The following STPG2 variants were observed in gnomAD, a reference collection of about 807,000 sequenced individuals.
STPG2 encodes the protein sperm tail PG-rich repeat containing 2.
A neutral mutation model predicts 54.2 loss-of-function variants in STPG2; 56 were observed. That is an observed-to-expected ratio of 1.03 (90% CI 0.83 to 1.29). The LOEUF (loss-of-function observed/expected upper bound fraction) is 1.29, where lower values mean the gene tolerates loss of function less well. Among genes scored for constraint, STPG2 ranks in the 50% most tolerant of loss-of-function variants. The pLI is 0.00. For missense variants in STPG2, 596 were observed against 544.9 expected (o/e 1.09, Z -0.93); for synonymous variants, 200 against 181.8 (o/e 1.10, Z -0.81).
At chr4:98,027,674 C>G (rs1225078861) in intron 5 of STPG2, among the ~76,000 whole-genome samples, 1 of 152,176 alleles carries the variant, frequency 6.6e-6, no homozygotes, top group Non-Finnish European at 1.5e-5. Context: ...CAAGCAATCT[C>G]AAAACCCTGT....
At chr4:97,994,652 A>G (rs1735143119) in intron 5 of STPG2, among the ~76,000 whole-genome samples, 1 of 152,128 alleles carries the variant, frequency 6.6e-6, no homozygotes, top group African/African-American at 2.4e-5. Flanking sequence ...GATGTGACCC[A>G]TCTTCAGGTC....
downstream of STPG2, among the ~76,000 whole-genome samples, chr4:97,554,647 C>G (rs1471281194): frequency 6.6e-6 from 1 of 152,124 alleles, no homozygotes; most frequent in Non-Finnish European, 1.5e-5. Context: ...AAACAACATT[C>G]ATATCTAAGC....
At chr4:97,725,785 C>G (rs1724604279) in intron 9 of STPG2, among the ~76,000 whole-genome samples, 1 of 151,124 alleles carries the variant, frequency 6.6e-6, no homozygotes. Context: ...TAAAAGGACA[C>G]TATAAAACAT....
chr4:97,694,394 A>G (rs1723491984), intron 10 of STPG2, among the ~76,000 whole-genome samples: 1 of 152,060 alleles, frequency 6.6e-6, no homozygotes, highest in Non-Finnish European at 1.5e-5. Context: ...ACAACTTTAC[A>G]TGCATAAAGA....
At chr4:97,468,687 T>C (rs1011373491) in intron 4 of STPG2, among the ~76,000 whole-genome samples, 15 of 152,048 alleles carry the variant, frequency 9.9e-5, no homozygotes, top group African/African-American at 3.6e-4. Flanking sequence ...AATTTTTTCC[T>C]ATGCCCTATA....
intron 5 of STPG2, among the ~76,000 whole-genome samples, chr4:98,035,141 G>C (rs185209027): frequency 6.6e-6 from 1 of 152,064 alleles, no homozygotes; most frequent in Middle Eastern, 3.4e-3. Flanking sequence ...AAAAAGAAAC[G>C]ATCATCAGAG....
At chr4:97,627,723 T>A (rs975592416) in intron 10 of STPG2, among the ~76,000 whole-genome samples, 1 of 152,132 alleles carries the variant, frequency 6.6e-6, no homozygotes, top group African/African-American at 2.4e-5. Flanking sequence ...TAATCTGAGT[T>A]CCACAGAGAA....
chr4:97,897,250 A>G (rs1200275304), intron 8 of STPG2, among the ~76,000 whole-genome samples: 1 of 152,074 alleles, frequency 6.6e-6, no homozygotes, highest in Non-Finnish European at 1.5e-5. Context: ...ATTCTTTTTT[A>G]TAATTGCATA....
At chr4:97,892,105 C>T (rs1001446588) in intron 8 of STPG2, among the ~76,000 whole-genome samples, 9 of 152,114 alleles carry the variant, frequency 5.9e-5, no homozygotes, top group Non-Finnish European at 1.2e-4. Flanking sequence ...TTATCACACC[C>T]TATTATAATC....
chr4:97,977,390 C>T (rs2149260723), intron 6 of STPG2, among the ~76,000 whole-genome samples: 1 of 152,256 alleles, frequency 6.6e-6, no homozygotes, highest in African/African-American at 2.4e-5. Flanking sequence ...GACCTTTTCA[C>T]CTTTGGAGCA....
chr4:97,859,796 G>A (rs565354763), intron 8 of STPG2, among the ~76,000 whole-genome samples: 1 of 152,216 alleles, frequency 6.6e-6, no homozygotes, highest in South Asian at 2.1e-4. Context: ...TCAACTCTTG[G>A]CCTAAGCCAA....
At chr4:97,572,419 G>T (rs537320937) in intron 10 of STPG2, among the ~76,000 whole-genome samples, 1 of 152,084 alleles carries the variant, frequency 6.6e-6, no homozygotes, top group East Asian at 1.9e-4. Context: ...ATTATATCTT[G>T]GTTGAAGATC....
chr4:97,815,987 C>T (rs1727894260), intron 9 of STPG2, among the ~76,000 whole-genome samples: 1 of 152,038 alleles, frequency 6.6e-6, no homozygotes, highest in Non-Finnish European at 1.5e-5. Flanking sequence ...CCCATCAACC[C>T]ATCAACTACA....
chr4:97,884,695 A>G (rs1258931856), intron 8 of STPG2, among the ~76,000 whole-genome samples: 3 of 152,178 alleles, frequency 2.0e-5, no homozygotes, highest in Non-Finnish European at 4.4e-5. Flanking sequence ...GGGTAAAGAA[A>G]AAAAGAAGCA....
intron 10 of STPG2, among the ~76,000 whole-genome samples, chr4:97,711,946 G>A (rs1724138163): frequency 2.0e-5 from 3 of 152,140 alleles, no homozygotes; most frequent in African/African-American, 7.2e-5. Flanking sequence ...TGGGATTACA[G>A]GCATGAGACA....
At chr4:97,994,366 A>G (rs1735128623) in intron 5 of STPG2, among the ~76,000 whole-genome samples, 1 of 152,114 alleles carries the variant, frequency 6.6e-6, no homozygotes, top group South Asian at 2.1e-4. Context: ...TAATTTGTTG[A>G]GACTTTTTTT....
At chr4:98,098,678 G>A (rs1444476212) in intron 5 of STPG2, among the ~76,000 whole-genome samples, 1 of 152,118 alleles carries the variant, frequency 6.6e-6, no homozygotes, top group Non-Finnish European at 1.5e-5. Context: ...TCAACAAAGT[G>A]AAGAGACAGC....
rs539928009 is a variant in STPG2, at chr4:97,905,818, C to T, written c.1044+38079G>A. Among the ~76,000 whole-genome samples the T allele has an allele frequency of 4.1e-4, 62 of 151,978 alleles. 1 individual carries two copies. The highest frequency in any genetic ancestry group is 3.4e-3 in the Middle Eastern group (1 of 294). ...AGGAGTTGCAATTCTTTGAAACCAA[C>T]GAGAACAAAGACACAACATACCAGA... On this transcript the variant is annotated intron_variant, in intron 8 of 10. Transcript: ENST00000295268.
intron 10 of STPG2, among the ~76,000 whole-genome samples, chr4:97,613,741 T>C (rs1282107356): frequency 2.0e-5 from 3 of 152,106 alleles, no homozygotes; most frequent in African/African-American, 7.2e-5. Context: ...TAATCTATAT[T>C]ATTATTTATT....
Sources: allele counts gnomAD v4.1 joint callset (sites outside exome capture counted in the v4.1 genomes callset), GRCh38; gene constraint gnomAD v4.1.1; transcripts MANE v1.5; gene names NCBI Gene and HGNC (gene_info 2026-07-23, HGNC 2026-07-21).